The following UBE2D3 variants were observed in gnomAD, a reference collection of about 807,000 sequenced individuals.
The protein encoded by UBE2D3 is ubiquitin-conjugating enzyme E2 D3.
A neutral mutation model predicts 22.8 loss-of-function variants in UBE2D3; 2 were observed. The ratio of observed to expected loss-of-function variants is 0.09; its 90% CI spans 0.04 to 0.28. UBE2D3 has a LOEUF of 0.28. Among genes scored for constraint, UBE2D3 ranks in the 10% least tolerant of loss-of-function variants. The pLI, the probability that UBE2D3 is intolerant of heterozygous loss-of-function variation, is 1.00. For synonymous variants in UBE2D3, 56 were observed against 60.4 expected, an observed-to-expected ratio of 0.93 and a Z score of 0.34; for missense variants, 27 against 182.5, an observed-to-expected ratio of 0.15 and a Z score of 4.91.
chr4:102,853,772 G>A (rs939532229), intron 1 of UBE2D3, among the ~76,000 whole-genome samples: 2 of 152,140 alleles, frequency 1.3e-5, no homozygotes, highest in African/African-American at 4.8e-5. Context: ...TACAGTATCT[G>A]AATGAACTAT....
At chr4:102,856,395 TAAAG>T (rs1032151025) in intron 1 of UBE2D3, among the ~76,000 whole-genome samples, 7 of 152,236 alleles carry the variant, frequency 4.6e-5, no homozygotes, top group South Asian at 4.1e-4. Flanking sequence ...AATTAAAAAA[TAAAG>T]AACATCATAG....
At position 102,794,523 on chromosome 4, in the gene UBE2D3, A is replaced by G. The variant is rs949170782; in HGVS notation, c.*2892T>C. The G allele has an allele frequency of 6.6e-6, 1 of 152,064 alleles. No homozygotes were observed. Among genetic ancestry groups the G allele is most frequent in the South Asian group, 2.1e-4 (1 of 4,838 alleles). The allele number at this position is 152,064 out of a possible 1,614,324, so 9.4% of individuals were successfully genotyped here. Reference sequence around the variant, plus strand: ...TCCTCATAAAAGACAAATTCACTTAAAAGTGTAATCAACAATCATTAACAG... The same window carrying G: ...TCCTCATAAAAGACAAATTCACTTAGAAGTGTAATCAACAATCATTAACAG... On this transcript the variant is annotated 3_prime_UTR_variant, in exon 8 of 8. Coordinates refer to ENST00000453744, the MANE Select transcript of UBE2D3 (RefSeq NM_181891.3).
Position 102,827,525 on chromosome 4 carries a change from C to A in UBE2D3, c.-227G>T. On this transcript the variant is annotated 5_prime_UTR_variant, in exon 1 of 8. Transcript: ENST00000453744. ...TACGGGGCTCACGCGCACGACACAG[C>A]CACAAGATGTCCGCTCTGACGGAAC... 2 of 986,230 alleles carry A rather than the reference C, an allele frequency of 2.0e-6. No individual in the cohort carries two copies. The highest frequency in any genetic ancestry group is 2.4e-6 in the Non-Finnish European group (2 of 830,170). The allele number at this position is 986,230 out of a possible 1,614,324, so 61.1% of individuals were successfully genotyped here.
chr4:102,853,420 G>A (rs1732475033), intron 1 of UBE2D3, among the ~76,000 whole-genome samples: 1 of 151,972 alleles, frequency 6.6e-6, no homozygotes, highest in Non-Finnish European at 1.5e-5. Flanking sequence ...GCTGAAGACT[G>A]AAAACAATGT....
chr4:102,848,045 T>C (rs776375526), intron 1 of UBE2D3, among the ~76,000 whole-genome samples: 2 of 152,166 alleles, frequency 1.3e-5, no homozygotes, highest in Non-Finnish European at 2.9e-5. Context: ...TTTTCACTCA[T>C]GCAAAAATTC....
At chr4:102,868,072 C>CTCT (rs757045594) in intron 1 of UBE2D3, among the ~76,000 whole-genome samples, 1 of 115,278 alleles carries the variant, frequency 8.7e-6, no homozygotes, top group African/African-American at 3.6e-5. Context: ...GCTTTAGATT[C>CTCT]TTTTTTTTTT....
At chr4:102,850,067 T>C (rs1732262763) in intron 1 of UBE2D3, among the ~76,000 whole-genome samples, 2 of 152,172 alleles carry the variant, frequency 1.3e-5, no homozygotes, top group Non-Finnish European at 2.9e-5. Flanking sequence ...TGGATAAATA[T>C]ATTTTATCCA....
chr4:102,795,225 A>G lies in UBE2D3; in HGVS notation c.*2190T>C, dbSNP rs998578554. 3 of 152,076 alleles carry G rather than the reference A, an allele frequency of 2.0e-5. No individual in the cohort carries two copies. The highest frequency in any genetic ancestry group is 2.9e-5 in the Non-Finnish European group (2 of 67,938). The allele number at this position is 152,076 out of a possible 1,614,324, so 9.4% of individuals were successfully genotyped here. ...AATTGTTATGACAATCAAAGAAGTCATCTCCGTAAATACCTAAGGGTTGTC... is the reference window on the plus strand; with the variant it reads ...AATTGTTATGACAATCAAAGAAGTCGTCTCCGTAAATACCTAAGGGTTGTC... On this transcript the variant is annotated 3_prime_UTR_variant, in exon 8 of 8. Coordinates refer to ENST00000453744, the MANE Select transcript of UBE2D3 (RefSeq NM_181891.3).
intron 2 of UBE2D3, among the ~76,000 whole-genome samples, chr4:102,815,568 G>C (rs1029388312): frequency 2.0e-5 from 3 of 151,938 alleles, no homozygotes; most frequent in East Asian, 3.9e-4. Flanking sequence ...ATGAGTTTTC[G>C]GCACACTGAT....
In UBE2D3 at chr4:102,805,304, A is replaced by C. The variant is rs940102152; in HGVS notation, c.121-2666T>G. ...TTAAATTCTATTATGAATCAGCAGCAAACTACACCAAAAAGAAACAAAATC... is the reference window on the plus strand; with the variant it reads ...TTAAATTCTATTATGAATCAGCAGCCAACTACACCAAAAAGAAACAAAATC... On this transcript the variant is annotated intron_variant, in intron 4 of 7. Transcript: ENST00000453744. 3.9e-5 allele frequency among the ~76,000 whole-genome samples: 6 copies of C among 152,310 alleles called. No homozygotes were observed. The East Asian group carries it at 1.2e-3, about 29-fold the overall frequency.
intron 4 of UBE2D3, 151 bp downstream of exon 4, chr4:102,809,521 T>C: frequency 2.4e-6 from 2 of 816,866 alleles, no homozygotes; most frequent in Non-Finnish European, 1.9e-6. Flanking sequence ...TAACTCATTA[T>C]GTTTTTTCTT....
chr4:102,824,453 A>G (rs746324243), intron 2 of UBE2D3, among the ~76,000 whole-genome samples: 2 of 152,180 alleles, frequency 1.3e-5, no homozygotes, highest in Non-Finnish European at 2.9e-5. Context: ...TGCCACCCCA[A>G]TGTCTAAAAC....
intron 1 of UBE2D3, among the ~76,000 whole-genome samples, chr4:102,867,922 T>C (rs1017411355): frequency 3.9e-5 from 6 of 152,174 alleles, no homozygotes; most frequent in African/African-American, 1.4e-4. Context: ...TTTTTTTAGC[T>C]CATTAGCTAC....
intron 4 of UBE2D3, among the ~76,000 whole-genome samples, chr4:102,806,441 A>G (rs982083082): frequency 6.6e-6 from 1 of 152,190 alleles, no homozygotes; most frequent in Non-Finnish European, 1.5e-5. Flanking sequence ...GAGTAAGGTT[A>G]AAGGTGGAAA....
rs1725157537 is a variant in UBE2D3, at chr4:102,795,271, T to G, written c.*2144A>C. The G allele has an allele frequency of 6.6e-6, 1 of 152,076 alleles. No homozygotes were observed. The highest frequency in any genetic ancestry group is 1.5e-5 in the Non-Finnish European group (1 of 67,938). 9.4% of individuals were successfully genotyped at this position (152,076 alleles called of 1,614,324 possible). A position where few individuals can be genotyped will look rare whatever the true frequency, so the allele number is the denominator to read the frequency against. ...TTGTCTAAGGCTATAAAGGTCAATT[T>G]GAAAGCCAGTTAGGGATCCACCGTG... On this transcript the variant is annotated 3_prime_UTR_variant, in exon 8 of 8. Transcript: ENST00000453744.
At chr4:102,855,000 A>G (rs367568244) in intron 1 of UBE2D3, among the ~76,000 whole-genome samples, 3 of 152,208 alleles carry the variant, frequency 2.0e-5, no homozygotes, top group East Asian at 1.9e-4. Flanking sequence ...TGAGTTGCCA[A>G]TGAAAAAGTG....
intron 2 of UBE2D3, among the ~76,000 whole-genome samples, chr4:102,813,340 C>T (rs1560858306): frequency 6.6e-6 from 1 of 152,132 alleles, no homozygotes; most frequent in Admixed American, 6.5e-5. Context: ...GTACGCATCA[C>T]TATGTACAGC....
intron 1 of UBE2D3, among the ~76,000 whole-genome samples, chr4:102,833,913 T>C (rs1417863116): frequency 1.3e-5 from 2 of 152,194 alleles, no homozygotes; most frequent in Non-Finnish European, 2.9e-5. Flanking sequence ...CCTACCCCTC[T>C]GCCCGCCAGA....
chr4:102,865,491 CAAAAAA>C (rs10604973), intron 1 of UBE2D3, among the ~76,000 whole-genome samples: 1 of 66,728 alleles, frequency 1.5e-5, no homozygotes, highest in Non-Finnish European at 3.1e-5. Flanking sequence ...CTGTCTCAAC[CAAAAAA>C]AAAAAAAAAA....
Sources: gnomAD v4.1 joint callset for allele counts (sites outside exome capture counted in the v4.1 genomes callset) on GRCh38, gnomAD v4.1.1 for gene constraint, MANE v1.5 for transcripts, NCBI Gene and HGNC (gene_info 2026-07-23, HGNC 2026-07-21) for gene names.